Variants in OTUD7A observed in about 807,000 individuals in gnomAD.
OTUD7A encodes the protein OTU deubiquitinase 7A, also known as OTU domain-containing protein 7A.
OTUD7A carries 12 observed loss-of-function variants against 65.7 expected under a neutral mutation model. That is an observed-to-expected ratio of 0.18 (90% CI 0.12 to 0.30). OTUD7A has a LOEUF of 0.30. OTUD7A is among the 10% of genes least tolerant of loss of function. The pLI, the probability that OTUD7A is intolerant of heterozygous loss-of-function variation, is 1.00. For synonymous variants in OTUD7A, 641 were observed against 586.3 expected, an observed-to-expected ratio of 1.09 and a Z score of -1.35; for missense variants, 1,148 against 1,304.8, an observed-to-expected ratio of 0.88 and a Z score of 1.85.
At chr15:31,643,855 T>C (rs1246311298) in intron 3 of OTUD7A, among the ~76,000 whole-genome samples, 2 of 152,224 alleles carry the variant, frequency 1.3e-5, no homozygotes, top group Non-Finnish European at 2.9e-5. Flanking sequence ...CAGAGAGTCC[T>C]TGGCAGAACT....
chr15:31,662,130 G>A lies in OTUD7A; in HGVS notation c.-99-5053C>T, dbSNP rs188231979. 3.7e-3 allele frequency among the ~76,000 whole-genome samples: 560 copies of A among 152,270 alleles called. 3 individuals carry two copies. Among genetic ancestry groups the A allele is most frequent in the African/African-American group, 0.013 (546 of 41,548 alleles). Reference sequence around the variant, plus strand: ...GTATCTGTCTCTGCCTGTGATGGTCGCAGCCACTGATGATCATTGCCTAGA... The same window carrying A: ...GTATCTGTCTCTGCCTGTGATGGTCACAGCCACTGATGATCATTGCCTAGA... On this transcript the variant is annotated intron_variant, in intron 1 of 12. Coordinates refer to ENST00000307050, the MANE Select transcript of OTUD7A (RefSeq NM_001382637.1).
chr15:31,863,105 G>A (rs1180373099), intron 1 of OTUD7A, among the ~76,000 whole-genome samples: 1 of 152,206 alleles, frequency 6.6e-6, no homozygotes, highest in African/African-American at 2.4e-5. Context: ...CTCACATCCA[G>A]GTCACGCTGA....
At chr15:31,523,485 C>A (rs1191766780) in intron 8 of OTUD7A, among the ~76,000 whole-genome samples, 1 of 152,194 alleles carries the variant, frequency 6.6e-6, no homozygotes, top group Non-Finnish European at 1.5e-5. Context: ...TACTCGTGTC[C>A]ACCCTCAGCC....
chr15:31,483,944 G>C lies in OTUD7A; in HGVS notation c.2152C>G (p.Pro718Ala), dbSNP rs1212709199. 9.9e-6 allele frequency: 11 copies of C among 1,115,658 alleles called. No individual in the cohort carries two copies. Among genetic ancestry groups the C allele is most frequent in the South Asian group, 5.2e-5 (2 of 38,374 alleles). The allele number at this position is 1,115,658 out of a possible 1,614,324, so 69.1% of individuals were successfully genotyped here. Residue 718 changes from proline to alanine, a missense_variant, in exon 13 of 13, where the codon CCG becomes GCG. This residue lies in a region of OTUD7A where 842 missense variants were observed against 769.5 expected (regional missense o/e 1.09). Coordinates refer to ENST00000307050, the MANE Select transcript of OTUD7A (RefSeq NM_001382637.1). ...EGVPVPERASPGPPTQLVLKL... is the reference protein window; with the variant it reads ...EGVPVPERASAGPPTQLVLKL... The stretch of plus-strand genomic sequence containing the variant: ...AGCACCAGCTGCGTGGGTGGGCCCG[G>C]AGAGGCGCGCTCCGGGACCGGCACG...
chr15:31,483,969 G>A lies in OTUD7A; in HGVS notation c.2127C>T (p.Gly709=). 8.8e-7 allele frequency: 1 copy of A among 1,140,456 alleles called. No individual in the cohort carries two copies. Among genetic ancestry groups the A allele is most frequent in the African/African-American group, 1.7e-5 (1 of 59,986 alleles). The allele number at this position is 1,140,456 out of a possible 1,614,324, so 70.6% of individuals were successfully genotyped here. The part of the protein sequence containing the change: ...KRPPRRPETE[G]VPVPERASPG... ...GAGAGGCGCGCTCCGGGACCGGCAC[G>A]CCCTCCGTCTCCGGTCTGCGCGGCG... The change falls in exon 13 of 13, where the codon GGC becomes GGT. Residue 709 remains glycine, a synonymous_variant. Transcript: ENST00000307050.
At chr15:31,608,049 C>T (rs1890287093) in intron 3 of OTUD7A, among the ~76,000 whole-genome samples, 1 of 152,032 alleles carries the variant, frequency 6.6e-6, no homozygotes, top group African/African-American at 2.4e-5. Context: ...GAGATCGAGA[C>T]CATCCTGGCC....
intron 5 of OTUD7A, among the ~76,000 whole-genome samples, chr15:31,544,349 T>C (rs1888069657): frequency 6.6e-6 from 1 of 151,602 alleles, no homozygotes; most frequent in Non-Finnish European, 1.5e-5. Flanking sequence ...AGTGATTAAA[T>C]CCAAAGTAGA....
intron 1 of OTUD7A, among the ~76,000 whole-genome samples, chr15:31,682,998 G>C (rs1342974447): frequency 1.3e-5 from 2 of 152,192 alleles, no homozygotes; most frequent in Non-Finnish European, 2.9e-5. Flanking sequence ...CCAGTGGGCT[G>C]GTTGCTTATA....
rs1393525061 is a variant in OTUD7A, at chr15:31,487,087, G to T, written c.1371+107C>A. The T allele has an allele frequency of 5.3e-6, 6 of 1,130,546 alleles. No homozygotes were observed. The highest frequency in any genetic ancestry group is 7.6e-6 in the Non-Finnish European group (6 of 784,952). The allele number at this position is 1,130,546 out of a possible 1,614,324, so 70.0% of individuals were successfully genotyped here. ...ATGGCTGGGGTGGGCGGCCGGGCAG[G>T]GGCAGGCAAGAGTGTGGGAGCATTT... is the stretch of plus-strand genomic sequence containing the variant. On this transcript the variant is annotated intron_variant, in intron 12 of 12. Coordinates refer to ENST00000307050, the MANE Select transcript of OTUD7A (RefSeq NM_001382637.1). The surrounding 1 kb of genome is among the most constrained non-coding windows in gnomAD (Gnocchi z 6.0).
intron 1 of OTUD7A, among the ~76,000 whole-genome samples, chr15:31,752,712 A>G (rs563804670): frequency 6.6e-6 from 1 of 152,322 alleles, no homozygotes; most frequent in Non-Finnish European, 1.5e-5. Flanking sequence ...TAAGCTATTT[A>G]GGTCATGTTT....
chr15:31,523,938 G>A (rs142580295), intron 8 of OTUD7A, among the ~76,000 whole-genome samples: 45 of 152,282 alleles, frequency 3.0e-4, no homozygotes, highest in Admixed American at 7.8e-4. Context: ...TTGCTGAGGC[G>A]CTCTCTGTCC....
rs1555425282 is a variant in OTUD7A, at chr15:31,860,677, G to GTATATATATATATATATATATATATA, written c.-100+9829_-100+9830insTATATATATATATATATATATATATA. On this transcript the variant is annotated intron_variant, in intron 1 of 12. Coordinates refer to ENST00000307050, the MANE Select transcript of OTUD7A (RefSeq NM_001382637.1). ...TGTGTGTATATATAGATGTATGTGTGTATATATATATATATATATATATGT... is the reference window on the plus strand; with the variant it reads ...TGTGTGTATATATAGATGTATGTGTGTATATATATATATATATATATATATATATATATATATATATATATATATGT... 3.0e-3 allele frequency among the ~76,000 whole-genome samples: 221 copies of GTATATATATATATATATATATATATA among 73,226 alleles called. 5 individuals are homozygous for GTATATATATATATATATATATATATA. Among genetic ancestry groups the GTATATATATATATATATATATATATA allele is most frequent in the Middle Eastern group, 0.02 (2 of 102 alleles). The allele number at this position is 73,226 out of a possible 152,430, so 48.0% of individuals were successfully genotyped here. A position where few individuals can be genotyped will look rare whatever the true frequency, so the allele number is the denominator to read the frequency against.
At chr15:31,850,904 AG>A (rs1897408836) in intron 1 of OTUD7A, among the ~76,000 whole-genome samples, 1 of 152,224 alleles carries the variant, frequency 6.6e-6, no homozygotes, top group Non-Finnish European at 1.5e-5. Context: ...AAACAAAAGC[AG>A]CAGTAATTCC....
intron 1 of OTUD7A, among the ~76,000 whole-genome samples, chr15:31,857,778 T>C (rs1897615497): frequency 1.3e-5 from 2 of 152,236 alleles, no homozygotes; most frequent in South Asian, 4.1e-4. Flanking sequence ...TTGCTCACTT[T>C]TTCTTAGTAA....
chr15:31,492,455 T>C (rs2141071105), intron 10 of OTUD7A, among the ~76,000 whole-genome samples: 1 of 152,102 alleles, frequency 6.6e-6, no homozygotes, highest in African/African-American at 2.4e-5. Context: ...GCTGTGTGCC[T>C]GTAATCCAGC....
chr15:31,608,076 G>A (rs1215107688), intron 3 of OTUD7A, among the ~76,000 whole-genome samples: 2 of 152,046 alleles, frequency 1.3e-5, no homozygotes, highest in South Asian at 2.1e-4. Context: ...GTGAAACCCC[G>A]TCTCTACTAA....
intron 1 of OTUD7A, among the ~76,000 whole-genome samples, chr15:31,777,637 C>T (rs957328101): frequency 2.0e-5 from 3 of 152,244 alleles, no homozygotes; most frequent in South Asian, 2.1e-4. Context: ...ACTGCAGGCC[C>T]CCCATCCCCC....
At chr15:31,741,881 G>T (rs549803735) in intron 1 of OTUD7A, among the ~76,000 whole-genome samples, 1 of 152,108 alleles carries the variant, frequency 6.6e-6, no homozygotes, top group Non-Finnish European at 1.5e-5. Context: ...ACAGGACCAA[G>T]AAAATCAACC....
At chr15:31,832,900 G>A (rs28435421) in intron 1 of OTUD7A, among the ~76,000 whole-genome samples, 2,099 of 152,206 alleles carry the variant, frequency 0.014, 43 homozygotes, top group African/African-American at 0.048. Context: ...CTATAAACAC[G>A]GATGTACAGA....
Sources: allele counts gnomAD v4.1 joint callset (sites outside exome capture counted in the v4.1 genomes callset), GRCh38; gene constraint gnomAD v4.1.1; regional missense constraint gnomAD v4.1.1; non-coding constraint Gnocchi (gnomAD v3.1); transcripts MANE v1.5; gene names NCBI Gene and HGNC (gene_info 2026-07-23, HGNC 2026-07-21).